PTPRD: variants seen among roughly 807,000 people sequenced by gnomAD.
The protein encoded by PTPRD is protein tyrosine phosphatase receptor type D, also known as receptor-type tyrosine-protein phosphatase delta.
Under a neutral mutation model 214.5 loss-of-function variants are expected in PTPRD, and 34 were observed. The ratio of observed to expected loss-of-function variants is 0.16; its 90% CI spans 0.12 to 0.21. PTPRD has a LOEUF of 0.21. PTPRD is among the 10% of genes least tolerant of loss of function. The probability of loss-of-function intolerance (pLI) is 1.00; values close to 1 mark genes in which losing one functional copy is unlikely to be tolerated. For synonymous variants in PTPRD, 1,128 were observed against 845.7 expected (o/e 1.33, Z -5.79); for missense variants, 2,545 against 2,398.7 (o/e 1.06, Z -1.27).
At chr9:9,480,123 T>C (rs369791931) in intron 8 of PTPRD, among the ~76,000 whole-genome samples, 8 of 152,158 alleles carry the variant, frequency 5.3e-5, no homozygotes, top group African/African-American at 7.2e-5. Context: ...CCTGGGCACA[T>C]TGAAAGAATA....
At chr9:10,108,866 G>GA (rs2154227311) in intron 3 of PTPRD, among the ~76,000 whole-genome samples, 1 of 83,084 alleles carries the variant, frequency 1.2e-5, no homozygotes, top group South Asian at 5.4e-4. Context: ...GGCACGTAAA[G>GA]AGGGTTTTTT....
At chr9:9,208,548 T>C (rs769631751) in intron 9 of PTPRD, among the ~76,000 whole-genome samples, 2 of 152,114 alleles carry the variant, frequency 1.3e-5, no homozygotes, top group African/African-American at 2.4e-5. Flanking sequence ...TATTTACATA[T>C]TTATCAAACT....
Position 8,506,747 on chromosome 9 carries a change from G to A in PTPRD, c.1677+554C>T, listed in dbSNP as rs148645466. Among the ~76,000 whole-genome samples, 17 of 152,212 alleles carry A rather than the reference G, an allele frequency of 1.1e-4. No individual in the cohort carries two copies. The East Asian group carries it at 3.1e-3, about 28-fold the overall frequency. On this transcript the variant is annotated intron_variant, in intron 22 of 45. Transcript: ENST00000381196. ...CTCTTTTCAGTGACGATCAACAATT[G>A]CCATGCCTTCTACAATCTGTTATTT...
chr9:9,166,763 G>A (rs2099905014), intron 10 of PTPRD, among the ~76,000 whole-genome samples: 1 of 151,848 alleles, frequency 6.6e-6, no homozygotes, highest in African/African-American at 2.4e-5. Context: ...GGAGAAGGAG[G>A]GCATTCACAA....
chr9:9,533,184 C>A (rs926363701), intron 8 of PTPRD, among the ~76,000 whole-genome samples: 21 of 152,080 alleles, frequency 1.4e-4, no homozygotes, highest in African/African-American at 4.8e-4. Context: ...ATGTTTTCTT[C>A]ATTTCTTTAG....
intron 5 of PTPRD, among the ~76,000 whole-genome samples, chr9:9,791,701 T>A (rs2098968571): frequency 6.6e-6 from 1 of 152,180 alleles, no homozygotes; most frequent in Non-Finnish European, 1.5e-5. Context: ...ATCATTTAGA[T>A]CTTACCAACA....
intron 11 of PTPRD, among the ~76,000 whole-genome samples, chr9:8,845,637 T>C (rs2097677666): frequency 6.6e-6 from 1 of 152,240 alleles, no homozygotes; most frequent in African/African-American, 2.4e-5. Context: ...GATTAGATAC[T>C]GCAAATCCTA....
intron 14 of PTPRD, among the ~76,000 whole-genome samples, chr9:8,599,125 T>C (rs944104844): frequency 2.6e-5 from 4 of 152,170 alleles, no homozygotes; most frequent in African/African-American, 9.7e-5. Flanking sequence ...GTGATGGTTT[T>C]ATGAAGGGGA....
At chr9:10,434,863 G>C (rs1588122253) in intron 2 of PTPRD, among the ~76,000 whole-genome samples, 1 of 151,724 alleles carries the variant, frequency 6.6e-6, no homozygotes, top group African/African-American at 2.4e-5. Context: ...ACTGGTTATG[G>C]CTCCCAGTTA....
At chr9:9,518,725 C>G (rs542326222) in intron 8 of PTPRD, among the ~76,000 whole-genome samples, 1 of 151,838 alleles carries the variant, frequency 6.6e-6, no homozygotes, top group African/African-American at 2.4e-5. Flanking sequence ...GTAATGCATG[C>G]CAGTTTAACA....
rs577958584 is a variant in PTPRD, at chr9:8,969,634, G to C, written c.-104+49063C>G. The stretch of plus-strand genomic sequence containing the variant: ...AAAAGTATGCAAATAAAACTTATTA[G>C]AATATTGGCTATTAGGGGAGAGAAA... On this transcript the variant is annotated intron_variant, in intron 11 of 45. Transcript: ENST00000381196. Among the ~76,000 whole-genome samples the C allele has an allele frequency of 2.0e-5, 3 of 151,992 alleles. No homozygotes were observed. In the East Asian group the frequency reaches 5.8e-4, roughly 30 times the overall value.
At chr9:9,938,987 T>C (rs562975267) in intron 4 of PTPRD, among the ~76,000 whole-genome samples, 1 of 149,332 alleles carries the variant, frequency 6.7e-6, no homozygotes, top group African/African-American at 2.5e-5. Flanking sequence ...GAAGCTGATG[T>C]TGAAAATAAT....
At chr9:9,787,705 T>TAAAGACA (rs1398250466) in intron 5 of PTPRD, among the ~76,000 whole-genome samples, 3 of 151,822 alleles carry the variant, frequency 2.0e-5, no homozygotes, top group East Asian at 3.9e-4. Context: ...TGAGAAAGAT[T>TAAAGACA]AAAGACACAA....
chr9:8,837,225 G>C (rs142449106), intron 11 of PTPRD, among the ~76,000 whole-genome samples: 1 of 151,756 alleles, frequency 6.6e-6, no homozygotes, highest in African/African-American at 2.4e-5. Flanking sequence ...ATGTTGCCTA[G>C]GCTGGTCTCA....
At chr9:9,038,541 T>C (rs2099629140) in intron 10 of PTPRD, among the ~76,000 whole-genome samples, 1 of 144,596 alleles carries the variant, frequency 6.9e-6, no homozygotes, top group Non-Finnish European at 1.5e-5. Flanking sequence ...ATGTTCAATG[T>C]TTGTGATAAC....
chr9:9,222,187 G>C (rs2099956529), intron 9 of PTPRD, among the ~76,000 whole-genome samples: 1 of 151,772 alleles, frequency 6.6e-6, no homozygotes, highest in Non-Finnish European at 1.5e-5. Context: ...TAATTTAATA[G>C]CTTGACCTTT....
intron 14 of PTPRD, among the ~76,000 whole-genome samples, chr9:8,556,988 G>T (rs1406475098): frequency 6.6e-6 from 1 of 152,018 alleles, no homozygotes; most frequent in Non-Finnish European, 1.5e-5. Flanking sequence ...TACAATATTG[G>T]CAATATTGGT....
At chr9:8,837,295 G>A (rs1459648527) in intron 11 of PTPRD, among the ~76,000 whole-genome samples, 2 of 152,058 alleles carry the variant, frequency 1.3e-5, no homozygotes, top group African/African-American at 2.4e-5. Context: ...GATTACAGGC[G>A]TGAGCCACTG....
intron 10 of PTPRD, among the ~76,000 whole-genome samples, chr9:9,039,391 C>T: frequency 6.6e-6 from 1 of 152,188 alleles, no homozygotes; most frequent in South Asian, 2.1e-4. Context: ...CTAATTAGAT[C>T]TGCAGTGAAG....
Sources: allele counts gnomAD v4.1 joint callset (sites outside exome capture counted in the v4.1 genomes callset), GRCh38; gene constraint gnomAD v4.1.1; transcripts MANE v1.5; gene names NCBI Gene and HGNC (gene_info 2026-07-23, HGNC 2026-07-21).